Variants in CLCA4 observed in about 807,000 individuals in gnomAD.
The protein encoded by CLCA4 is calcium-activated chloride channel regulator 4.
A neutral mutation model predicts 78.9 loss-of-function variants in CLCA4; 69 were observed. The observed-to-expected ratio is 0.87, with a 90% CI of 0.72 to 1.07. The LOEUF is 1.07. Ranked by LOEUF, CLCA4 falls within the 50% of genes least tolerant of loss-of-function variation. The pLI is 0.00. For missense variants in CLCA4, 1,133 were observed against 1,095.8 expected (o/e 1.03, Z -0.48); for synonymous variants, 362 against 375.8 (o/e 0.96, Z 0.42).
chr1:86,570,435 C>A (rs1650317062), intron 7 of CLCA4, among the ~76,000 whole-genome samples: 1 of 152,012 alleles, frequency 6.6e-6, no homozygotes, highest in Non-Finnish European at 1.5e-5. Context: ...GAAAAGGATA[C>A]AAGCTACAAA....
chr1:86,564,564 G>A (rs975163036), intron 4 of CLCA4, among the ~76,000 whole-genome samples: 21 of 151,998 alleles, frequency 1.4e-4, no homozygotes, highest in South Asian at 2.1e-4. Context: ...TAGAAGCATC[G>A]ACATATTTAT....
At chr1:86,552,282 T>G (rs1040966720) in intron 1 of CLCA4, among the ~76,000 whole-genome samples, 4 of 152,152 alleles carry the variant, frequency 2.6e-5, no homozygotes, top group Non-Finnish European at 5.9e-5. Context: ...CCTGTCTGAA[T>G]GTAAAGGAGG....
chr1:86,571,939 G>A (rs941478203), intron 8 of CLCA4, among the ~76,000 whole-genome samples: 2 of 151,874 alleles, frequency 1.3e-5, no homozygotes, highest in Non-Finnish European at 2.9e-5. Flanking sequence ...GGCTTCTAAT[G>A]GTACTAAATA....
intron 4 of CLCA4, among the ~76,000 whole-genome samples, chr1:86,564,360 A>G (rs1240258496): frequency 6.6e-6 from 1 of 152,144 alleles, no homozygotes; most frequent in Non-Finnish European, 1.5e-5. Flanking sequence ...GTGAGAACTG[A>G]AAGGTATATG....
intron 1 of CLCA4, among the ~76,000 whole-genome samples, chr1:86,557,749 T>G (rs1649892991): frequency 6.6e-6 from 1 of 152,082 alleles, no homozygotes; most frequent in Admixed American, 6.6e-5. Context: ...CAATGTTGAG[T>G]TCAGGTCCTG....
At chr1:86,566,095 C>A in intron 6 of CLCA4, 75 bp downstream of exon 6, 1 of 1,278,024 alleles carries the variant, frequency 7.8e-7, no homozygotes, top group Non-Finnish European at 1.1e-6. Context: ...CTGTCTGCAC[C>A]TAGATTGTTC....
chr1:86,575,572 G>T lies in CLCA4; in HGVS notation c.1924G>T (p.Val642Phe), dbSNP rs201382001. 5 of 1,612,534 alleles carry T rather than the reference G, an allele frequency of 3.1e-6. No homozygotes were observed. The African/African-American group carries it at 6.7e-5, about 22-fold the overall frequency. Residue 642 changes from valine to phenylalanine, a missense_variant, in exon 11 of 14, where the codon GTT becomes TTT. Physicochemically the swap from Val to Phe is conservative, Grantham distance 50 (BLOSUM62 -1). Coordinates refer to ENST00000370563, the MANE Select transcript of CLCA4 (RefSeq NM_012128.4). ...FIESQNGHTE[V>F]LELLDNGAGA... ...TGAATCACAGAATGGACATACAGAAGTTTTGGAACTTTTGGATAATGGTGC... is the reference window on the plus strand; with the variant it reads ...TGAATCACAGAATGGACATACAGAATTTTTGGAACTTTTGGATAATGGTGC...
intron 12 of CLCA4, among the ~76,000 whole-genome samples, chr1:86,578,299 A>T (rs544124071): frequency 5.3e-5 from 8 of 151,952 alleles, no homozygotes; most frequent in Admixed American, 4.6e-4. Context: ...AATTATTCTT[A>T]TTTTTTTTAA....
At chr1:86,563,889 T>C (rs1650097721) in intron 4 of CLCA4, 120 bp downstream of exon 4, 1 of 467,258 alleles carries the variant, frequency 2.1e-6, no homozygotes, top group Admixed American at 4.2e-5. Context: ...AATGCTTTTA[T>C]TTTTTTTTAG....
chr1:86,554,135 C>T (rs1649756638), intron 1 of CLCA4, among the ~76,000 whole-genome samples: 1 of 152,098 alleles, frequency 6.6e-6, no homozygotes, highest in African/African-American at 2.4e-5. Flanking sequence ...CCTCTCCTTC[C>T]TCCCAACCTC....
In CLCA4 at chr1:86,579,373, G is replaced by C; in HGVS notation, c.2142G>C (p.Pro714=). The change falls in exon 13 of 14, where the codon CCG becomes CCC. Residue 714 remains proline (P), a synonymous_variant. Coordinates refer to ENST00000370563, the MANE Select transcript of CLCA4 (RefSeq NM_012128.4). ...ATGCAGGGGAAATTGAAGCAAACCCGCCAAGACCTGAAATTGATGAGGATA... is the reference window on the plus strand; with the variant it reads ...ATGCAGGGGAAATTGAAGCAAACCCCCCAAGACCTGAAATTGATGAGGATA... ...WVVNGEIEAN[P]PRPEIDEDTQ... The C allele has an allele frequency of 1.2e-6, 2 of 1,612,946 alleles. No individual in the cohort carries two copies. Among genetic ancestry groups the C allele is most frequent in the Non-Finnish European group, 8.5e-7 (1 of 1,179,326 alleles).
Position 86,566,040 on chromosome 1 carries a change from A to G in CLCA4, c.954+20A>G, listed in dbSNP as rs750010270. 8.8e-6 allele frequency: 14 copies of G among 1,595,372 alleles called. No individual in the cohort carries two copies. In the East Asian group the frequency reaches 1.6e-4, roughly 18 times the overall value. ...ATGGGGGTAAGATCACTTTTTCTGG[A>G]TATAGGGATGTAGGATATTTGAAGA... On this transcript the variant is annotated intron_variant, in intron 6 of 13. Coordinates refer to ENST00000370563, the MANE Select transcript of CLCA4 (RefSeq NM_012128.4).
At chr1:86,561,006 A>G (rs1405268237) in intron 3 of CLCA4, among the ~76,000 whole-genome samples, 2 of 152,226 alleles carry the variant, frequency 1.3e-5, no homozygotes, top group Non-Finnish European at 2.9e-5. Flanking sequence ...CACATGTATC[A>G]CTATTAAATG....
chr1:86,552,957 T>G (rs1163441121), intron 1 of CLCA4: 1 of 631,176 alleles, frequency 1.6e-6, no homozygotes, highest in African/African-American at 1.8e-5. Context: ...CTGAGGTGAC[T>G]GGGCAAAGGT....
At position 86,565,988 on chromosome 1, in the gene CLCA4, T is replaced by C. The variant is rs766598785; in HGVS notation, c.922T>C (p.Cys308Arg). 3 of 1,613,128 alleles carry C rather than the reference T, an allele frequency of 1.9e-6. No individual in the cohort carries two copies. The highest frequency in any genetic ancestry group is 2.5e-6 in the Non-Finnish European group (3 of 1,179,258). The change falls in exon 6 of 14, where the codon TGC becomes CGC. Residue 308 changes from cysteine (C) to arginine (R), a missense_variant. Cys to Arg is a radical substitution (Grantham distance 180). Coordinates refer to ENST00000370563, the MANE Select transcript of CLCA4 (RefSeq NM_012128.4). The stretch of plus-strand genomic sequence containing the variant: ...GCTGAAGATCAGTCAAAGAATTGTG[T>C]GCTTAGTTCTTGATAAGTCTGGAAG... ...SLLKISQRIV[C>R]LVLDKSGSMG...
chr1:86,552,134 A>C (rs2101789458), intron 1 of CLCA4, among the ~76,000 whole-genome samples: 1 of 152,366 alleles, frequency 6.6e-6, no homozygotes, highest in Non-Finnish European at 1.5e-5. Flanking sequence ...GTCGCAGCAA[A>C]GGATATTTAT....
At chr1:86,556,307 T>C (rs1261551027) in intron 1 of CLCA4, among the ~76,000 whole-genome samples, 2 of 152,230 alleles carry the variant, frequency 1.3e-5, no homozygotes, top group Admixed American at 1.3e-4. Flanking sequence ...GCTTCCAGCT[T>C]TTGCCCATTC....
At chr1:86,577,385 G>A (rs140564986) in intron 11 of CLCA4, among the ~76,000 whole-genome samples, 1,623 of 152,106 alleles carry the variant, frequency 0.011, 20 homozygotes, top group Admixed American at 0.019. Flanking sequence ...CAGAATGCTG[G>A]GACCTTTCCC....
intron 12 of CLCA4, among the ~76,000 whole-genome samples, chr1:86,578,704 A>T (rs544452194): frequency 1.8e-4 from 27 of 152,222 alleles, no homozygotes; most frequent in African/African-American, 6.5e-4. Context: ...TAATATGCCC[A>T]GCTTTCAGCT....
Sources: gnomAD v4.1 joint callset for allele counts (sites outside exome capture counted in the v4.1 genomes callset) on GRCh38, gnomAD v4.1.1 for gene constraint, MANE v1.5 for transcripts, NCBI Gene and HGNC (gene_info 2026-07-23, HGNC 2026-07-21) for gene names.